SEMA3A: variants seen among roughly 807,000 people sequenced by gnomAD.
SEMA3A encodes the protein semaphorin 3A.
SEMA3A carries 29 observed loss-of-function variants against 97.9 expected under a neutral mutation model. That is an observed-to-expected ratio of 0.30 (90% CI 0.22 to 0.40). SEMA3A has a LOEUF of 0.40. SEMA3A is among the 10% of genes least tolerant of loss of function. The pLI, the probability that SEMA3A is intolerant of heterozygous loss-of-function variation, is 1.00. For synonymous variants in SEMA3A, 321 were observed against 323.7 expected, an observed-to-expected ratio of 0.99 and a Z score of 0.09; for missense variants, 763 against 951.3, an observed-to-expected ratio of 0.80 and a Z score of 2.60.
At chr7:84,278,841 T>C (rs1287539467) in intron 3 of SEMA3A, among the ~76,000 whole-genome samples, 1 of 152,072 alleles carries the variant, frequency 6.6e-6, no homozygotes, top group African/African-American at 2.4e-5. Flanking sequence ...ATCACCATCA[T>C]CATTGGGGAT....
At chr7:84,075,677 G>A (rs550647012) in intron 4 of SEMA3A, among the ~76,000 whole-genome samples, 9 of 152,104 alleles carry the variant, frequency 5.9e-5, no homozygotes, top group South Asian at 2.1e-4. Context: ...GGCTGATCTC[G>A]AACTCCTGGC....
chr7:84,463,387 T>C (rs974204481), intron 1 of SEMA3A, among the ~76,000 whole-genome samples: 3 of 151,674 alleles, frequency 2.0e-5, no homozygotes, highest in Admixed American at 1.3e-4. Flanking sequence ...TAGCTGGGAC[T>C]ACAGGCACCT....
chr7:84,262,278 G>A (rs1012275030), intron 3 of SEMA3A, among the ~76,000 whole-genome samples: 8 of 152,054 alleles, frequency 5.3e-5, no homozygotes, highest in Admixed American at 2.0e-4. Context: ...GCAATGGTAC[G>A]AGCCTGGCTC....
Position 83,961,772 on chromosome 7 carries a change from G to A in SEMA3A, c.1915C>T (p.Leu639=). 1 of 1,613,892 alleles carries A rather than the reference G, an allele frequency of 6.2e-7. No individual in the cohort carries two copies. Among genetic ancestry groups the A allele is most frequent in the Non-Finnish European group, 8.5e-7 (1 of 1,179,870 alleles). ...TAATTGCCTGAATCCTTCTGTTGTA[G>A]ACTACGTAGCAGAAGGCCTTGATCT... ...RTDQGLLLRS[L]QQKDSGNYLC... The change falls in exon 17 of 17, where the codon CTA becomes TTA. Residue 639 remains leucine (L), a synonymous_variant. Coordinates refer to ENST00000265362, the MANE Select transcript of SEMA3A (RefSeq NM_006080.3).
chr7:84,445,686 T>C (rs1332817348), intron 1 of SEMA3A, among the ~76,000 whole-genome samples: 1 of 151,442 alleles, frequency 6.6e-6, no homozygotes, highest in African/African-American at 2.4e-5. Flanking sequence ...CCAAAAATAC[T>C]ATAAGCTGAA....
intron 12 of SEMA3A, among the ~76,000 whole-genome samples, chr7:83,988,622 A>T (rs993836940): frequency 1.3e-5 from 2 of 152,174 alleles, no homozygotes; most frequent in Non-Finnish European, 2.9e-5. Flanking sequence ...CAAATGATTT[A>T]GGAGGTACAT....
upstream of SEMA3A, among the ~76,000 whole-genome samples, chr7:84,198,683 T>C (rs1296572023): frequency 2.0e-5 from 3 of 152,232 alleles, no homozygotes; most frequent in Non-Finnish European, 4.4e-5. Context: ...CTTTCAAATA[T>C]GATTAACTCC....
chr7:84,208,303 T>A (rs747161094), intron 3 of SEMA3A, among the ~76,000 whole-genome samples: 23 of 151,890 alleles, frequency 1.5e-4, no homozygotes, highest in Non-Finnish European at 2.4e-4. Context: ...ATACAAAAAA[T>A]TAGCTGGGTG....
intron 1 of SEMA3A, among the ~76,000 whole-genome samples, chr7:84,155,787 C>T (rs1271158519): frequency 1.3e-5 from 2 of 151,880 alleles, no homozygotes; most frequent in African/African-American, 2.4e-5. Context: ...GTATTTATAT[C>T]AAAGTAATAT....
chr7:84,415,710 A>C (rs567864844), intron 1 of SEMA3A, among the ~76,000 whole-genome samples: 165 of 152,120 alleles, frequency 1.1e-3, no homozygotes, highest in African/African-American at 3.8e-3. Flanking sequence ...AATATGTAGC[A>C]TGTTTTGGCA....
intron 3 of SEMA3A, among the ~76,000 whole-genome samples, chr7:84,277,530 G>A (rs1182900921): frequency 6.6e-6 from 1 of 152,082 alleles, no homozygotes; most frequent in Non-Finnish European, 1.5e-5. Flanking sequence ...CTGAAATATT[G>A]TGTTGTGCCA....
intron 3 of SEMA3A, among the ~76,000 whole-genome samples, chr7:84,242,264 T>C (rs1456056390): frequency 6.6e-6 from 1 of 152,206 alleles, no homozygotes; most frequent in Non-Finnish European, 1.5e-5. Context: ...TCTATGAGCA[T>C]GGAATGTTTT....
chr7:84,466,834 T>C (rs540379124), intron 1 of SEMA3A, among the ~76,000 whole-genome samples: 25 of 152,274 alleles, frequency 1.6e-4, no homozygotes, highest in African/African-American at 5.5e-4. Context: ...TGAGCTTGAG[T>C]TGATAGAGGT....
chr7:84,015,371 G>C (rs547401333), intron 6 of SEMA3A, among the ~76,000 whole-genome samples: 2 of 152,258 alleles, frequency 1.3e-5, no homozygotes, highest in African/African-American at 4.8e-5. Flanking sequence ...GGACTGTCTA[G>C]GTTACACAGA....
At chr7:84,320,107 G>T (rs1354114400) in intron 2 of SEMA3A, among the ~76,000 whole-genome samples, 5 of 151,934 alleles carry the variant, frequency 3.3e-5, no homozygotes, top group Non-Finnish European at 7.4e-5. Context: ...TATTTTCTGG[G>T]CCCACACTAT....
intron 4 of SEMA3A, among the ~76,000 whole-genome samples, chr7:84,091,423 A>G (rs1794602342): frequency 6.6e-6 from 1 of 152,052 alleles, no homozygotes; most frequent in Non-Finnish European, 1.5e-5. Flanking sequence ...TTTACACAAA[A>G]TATTTTATAT....
chr7:84,473,754 T>C lies in SEMA3A; in HGVS notation c.-246+18706A>G, dbSNP rs372191006. Among the ~76,000 whole-genome samples the C allele has an allele frequency of 1.2e-4, 18 of 152,184 alleles. No individual in the cohort carries two copies. In the East Asian group the frequency reaches 3.5e-3, roughly 29 times the overall value. ...CTGATAAATCAGACTGCACAGAAAC[T>C]AACAAAAACATTTTAAATAATGACT... On this transcript the variant is annotated intron_variant, in intron 1 of 3. Transcript: ENST00000424555.
intron 2 of SEMA3A, among the ~76,000 whole-genome samples, chr7:84,132,662 G>GTTTTTTTTTTTTTTT (rs55830654): frequency 1.2e-5 from 1 of 86,630 alleles, no homozygotes; most frequent in Non-Finnish European, 2.2e-5. Flanking sequence ...TCGACTTGGT[G>GTTTTTTTTTTTTTTT]TTTTTTTTTT....
chr7:83,974,716 T>A (rs1466921960), intron 15 of SEMA3A, among the ~76,000 whole-genome samples: 8 of 152,122 alleles, frequency 5.3e-5, no homozygotes, highest in Admixed American at 3.9e-4. Context: ...CCTACCTTAG[T>A]TTCCAAATAT....
Sources: gnomAD v4.1 joint callset for allele counts (sites outside exome capture counted in the v4.1 genomes callset) on GRCh38, gnomAD v4.1.1 for gene constraint, MANE v1.5 for transcripts, NCBI Gene and HGNC (gene_info 2026-07-23, HGNC 2026-07-21) for gene names.